Variants in SPATA16 observed in about 807,000 individuals in gnomAD.
SPATA16 encodes spermatogenesis-associated protein 16.
Under a neutral mutation model 63.3 loss-of-function variants are expected in SPATA16, and 36 were observed. That is an observed-to-expected ratio of 0.57 (90% CI 0.44 to 0.75). The LOEUF is 0.75. SPATA16 is among the 30% of genes least tolerant of loss of function. SPATA16 has a pLI of 0.00. For synonymous variants in SPATA16, 203 were observed against 216.7 expected (o/e 0.94, Z 0.56); for missense variants, 646 against 679.3 (o/e 0.95, Z 0.54).
At chr3:173,051,306 G>C (rs529695365) in intron 2 of SPATA16, among the ~76,000 whole-genome samples, 1 of 152,136 alleles carries the variant, frequency 6.6e-6, no homozygotes, top group Non-Finnish European at 1.5e-5. Flanking sequence ...GGGTTCAAGC[G>C]ATTCTCCTGC....
At chr3:173,140,338 T>C (rs1738675741) in intron 1 of SPATA16, among the ~76,000 whole-genome samples, 1 of 151,908 alleles carries the variant, frequency 6.6e-6, no homozygotes, top group Non-Finnish European at 1.5e-5. Flanking sequence ...TACTGATATC[T>C]ATTAATATTT....
At chr3:173,041,956 T>TA (rs924487858) in intron 3 of SPATA16, among the ~76,000 whole-genome samples, 11 of 151,766 alleles carry the variant, frequency 7.2e-5, no homozygotes, top group African/African-American at 2.4e-4. Context: ...AGTATAAAAA[T>TA]AAAAAAAAGA....
intron 3 of SPATA16, among the ~76,000 whole-genome samples, chr3:173,045,596 G>A (rs1480598149): frequency 6.6e-6 from 1 of 152,090 alleles, no homozygotes; most frequent in Non-Finnish European, 1.5e-5. Flanking sequence ...ATTCAGTCTA[G>A]TGAGTGGAGC....
intron 1 of SPATA16, among the ~76,000 whole-genome samples, chr3:173,136,424 A>G (rs1472243477): frequency 1.3e-5 from 2 of 152,176 alleles, no homozygotes; most frequent in South Asian, 2.1e-4. Context: ...GTTTTGACAT[A>G]GGGATGCAAT....
At chr3:172,889,950 G>A (rs1731859836) in intron 10 of SPATA16, among the ~76,000 whole-genome samples, 1 of 152,108 alleles carries the variant, frequency 6.6e-6, no homozygotes, top group Non-Finnish European at 1.5e-5. Context: ...AATGGAAATG[G>A]GGATTACTGT....
chr3:172,939,146 T>G lies in SPATA16; in HGVS notation c.1082-13654A>C, dbSNP rs570237715. On this transcript the variant is annotated intron_variant, in intron 6 of 10. Transcript: ENST00000351008. ...CATGCATTATGATTTTGCTTATAAC[T>G]TCTGCCTTCCTAAAATTTACCCTTG... Among the ~76,000 whole-genome samples, 12 of 152,324 alleles carry G rather than the reference T, an allele frequency of 7.9e-5. No individual in the cohort carries two copies. In the South Asian group the frequency reaches 2.3e-3, roughly 29 times the overall value.
chr3:173,054,301 T>C (rs1736166527), intron 2 of SPATA16, among the ~76,000 whole-genome samples: 1 of 152,150 alleles, frequency 6.6e-6, no homozygotes, highest in African/African-American at 2.4e-5. Flanking sequence ...CCCAAAGGAA[T>C]ATAAATTATT....
intron 5 of SPATA16, among the ~76,000 whole-genome samples, chr3:172,960,887 C>CTT (rs1177756966): frequency 6.4e-5 from 4 of 62,382 alleles, no homozygotes; most frequent in African/African-American, 3.2e-4. Context: ...CTTTCTTTCT[C>CTT]TCTCTCCTTC....
intron 2 of SPATA16, among the ~76,000 whole-genome samples, chr3:173,110,637 A>G (rs549377255): frequency 1.4e-3 from 217 of 151,932 alleles, no homozygotes; most frequent in Non-Finnish European, 2.7e-3. Context: ...GTTCTATGTG[A>G]AAGCACCTTA....
intron 2 of SPATA16, among the ~76,000 whole-genome samples, chr3:173,074,043 G>T (rs1388862046): frequency 1.3e-5 from 2 of 152,168 alleles, no homozygotes; most frequent in Admixed American, 1.3e-4. Flanking sequence ...GACTTGCATG[G>T]GGTCTTTAGC....
At chr3:172,898,953 T>C (rs1255366135) in intron 10 of SPATA16, among the ~76,000 whole-genome samples, 1 of 151,914 alleles carries the variant, frequency 6.6e-6, no homozygotes, top group African/African-American at 2.4e-5. Flanking sequence ...TTGAGACTCC[T>C]TTTTTGATCC....
At chr3:173,038,558 C>T (rs1257686768) in intron 3 of SPATA16, among the ~76,000 whole-genome samples, 1 of 151,972 alleles carries the variant, frequency 6.6e-6, no homozygotes, top group Non-Finnish European at 1.5e-5. Flanking sequence ...TTACCTATTT[C>T]AGTTTTTCAC....
intron 4 of SPATA16, among the ~76,000 whole-genome samples, chr3:173,012,904 A>G (rs2669178): frequency 0.13 from 20,075 of 152,094 alleles, 1,386 homozygotes; most frequent in East Asian, 0.15. Context: ...CTCAAAACAT[A>G]ATAATTGACA....
chr3:173,048,896 C>A lies in SPATA16; in HGVS notation c.758+53G>T, dbSNP rs575394260. Reference sequence around the variant, plus strand: ...GGTGATCAGGCAAGCTCAGATAGTACCCTCCACTAGCATGAACAGCATTTA... The same window carrying A: ...GGTGATCAGGCAAGCTCAGATAGTAACCTCCACTAGCATGAACAGCATTTA... On this transcript the variant is annotated intron_variant, in intron 3 of 10. Coordinates refer to ENST00000351008, the MANE Select transcript of SPATA16 (RefSeq NM_031955.6). 4.4e-6 allele frequency: 7 copies of A among 1,604,416 alleles called. No individual in the cohort carries two copies. In the East Asian group the frequency reaches 1.6e-4, roughly 36 times the overall value.
At chr3:172,970,999 T>C (rs1355840530) in intron 5 of SPATA16, among the ~76,000 whole-genome samples, 2 of 152,164 alleles carry the variant, frequency 1.3e-5, no homozygotes, top group African/African-American at 4.8e-5. Context: ...TCATTATTAG[T>C]ATAAGTAATC....
Position 172,893,404 on chromosome 3 carries a change from T to C in SPATA16, c.1588-3712A>G, listed in dbSNP as rs150479958. Among the ~76,000 whole-genome samples, 932 of 152,178 alleles carry C rather than the reference T, an allele frequency of 6.1e-3. 12 individuals carry two copies. Among genetic ancestry groups the C allele is most frequent in the African/African-American group, 0.02 (844 of 41,516 alleles). On this transcript the variant is annotated intron_variant, in intron 10 of 10. Transcript: ENST00000351008. ...AGGTACGATAAAGAATGCCAGCAAATCACCAGAAACTAGGGGAGAGGCAGG... is the reference window on the plus strand; with the variant it reads ...AGGTACGATAAAGAATGCCAGCAAACCACCAGAAACTAGGGGAGAGGCAGG...
intron 2 of SPATA16, among the ~76,000 whole-genome samples, chr3:173,103,311 TG>T (rs954236875): frequency 6.6e-6 from 1 of 152,156 alleles, no homozygotes; most frequent in African/African-American, 2.4e-5. Context: ...GAACTCTGTG[TG>T]GGGGGTCCAA....
chr3:172,951,568 T>C (rs1165573321), intron 6 of SPATA16, among the ~76,000 whole-genome samples: 1 of 152,202 alleles, frequency 6.6e-6, no homozygotes, highest in Non-Finnish European at 1.5e-5. Context: ...CTTGTGTCTG[T>C]TTTTCCCATG....
intron 2 of SPATA16, among the ~76,000 whole-genome samples, chr3:173,069,247 C>G (rs1736608994): frequency 6.6e-6 from 1 of 150,488 alleles, no homozygotes; most frequent in Admixed American, 6.6e-5. Flanking sequence ...TTTAGCAAGA[C>G]TAAGAAAAAA....
Sources: allele counts gnomAD v4.1 joint callset (sites outside exome capture counted in the v4.1 genomes callset), GRCh38; gene constraint gnomAD v4.1.1; transcripts MANE v1.5; gene names NCBI Gene and HGNC (gene_info 2026-07-23, HGNC 2026-07-21).